Variants in HGF observed in about 807,000 individuals in gnomAD.
HGF encodes the protein hepatocyte growth factor, also known as fibroblast-derived tumor cytotoxic factor.
In HGF, 39 loss-of-function variants were observed where a neutral mutation model predicts 111.6. The ratio of observed to expected loss-of-function variants is 0.35; its 90% CI spans 0.27 to 0.46. HGF has a LOEUF of 0.46. HGF is among the 20% of genes least tolerant of loss of function. The pLI, the probability that HGF is intolerant of heterozygous loss-of-function variation, is 1.00. For synonymous variants in HGF, 285 were observed against 294.8 expected, an observed-to-expected ratio of 0.97 and a Z score of 0.34; for missense variants, 735 against 910.5, an observed-to-expected ratio of 0.81 and a Z score of 2.48.
intron 6 of HGF, among the ~76,000 whole-genome samples, chr7:81,743,805 A>G (rs996254927): frequency 2.0e-5 from 3 of 152,206 alleles, no homozygotes; most frequent in African/African-American, 7.2e-5. Context: ...GCTCATTAAG[A>G]AAACAGGTCC....
chr7:81,717,302 A>C lies in HGF; in HGVS notation c.1335T>G (p.Asp445Glu). 6.2e-7 allele frequency: 1 copy of C among 1,613,608 alleles called. No individual in the cohort carries two copies. The highest frequency in any genetic ancestry group is 8.5e-7 in the Non-Finnish European group (1 of 1,179,504). ...LNENYCRNPDDDAHGPWCYTG... is the reference protein window; with the variant it reads ...LNENYCRNPDEDAHGPWCYTG... ...TGTAGCACCAGGGTCCATGAGCATC[A>C]TCATCTGGATTTCGGCAGTAATTCT... Residue 445 changes from aspartate (D) to glutamate (E), a missense_variant, in exon 11 of 18, where the codon GAT becomes GAG. By Grantham distance (45) the Asp-to-Glu change is conservative. Coordinates refer to ENST00000222390, the MANE Select transcript of HGF (RefSeq NM_000601.6).
Position 81,729,664 on chromosome 7 carries a change from C to T in HGF, c.981G>A (p.Gln327=), listed in dbSNP as rs2115928290. Reference sequence around the variant, plus strand: ...CGTGAGGATACTGAGAATCCCAACGCTGACATGGAATTCCATTCCAAATGG... The same window carrying T: ...CGTGAGGATACTGAGAATCCCAACGTTGACATGGAATTCCATTCCAAATGG... ...VNTIWNGIPC[Q]RWDSQYPHEH... is the part of the protein sequence containing the mutation. The change falls in exon 8 of 18, where the codon CAG becomes CAA. Residue 327 remains glutamine (Q), a synonymous_variant. Coordinates refer to ENST00000222390, the MANE Select transcript of HGF (RefSeq NM_000601.6). 6.2e-7 allele frequency: 1 copy of T among 1,613,964 alleles called. No homozygotes were observed. Among genetic ancestry groups the T allele is most frequent in the Non-Finnish European group, 8.5e-7 (1 of 1,179,872 alleles).
chr7:81,708,721 G>C (rs1424872782), intron 13 of HGF, among the ~76,000 whole-genome samples: 1 of 151,302 alleles, frequency 6.6e-6, no homozygotes, highest in Non-Finnish European at 1.5e-5. Flanking sequence ...GGGATTACAG[G>C]TGTGAGCCAC....
intron 4 of HGF, among the ~76,000 whole-genome samples, chr7:81,754,631 T>A (rs528531159): frequency 6.6e-6 from 1 of 152,056 alleles, no homozygotes; most frequent in Non-Finnish European, 1.5e-5. Flanking sequence ...GCAATTCATA[T>A]CAAAAACCTC....
intron 17 of HGF, among the ~76,000 whole-genome samples, chr7:81,704,175 A>G (rs1449158080): frequency 6.6e-6 from 1 of 151,844 alleles, no homozygotes; most frequent in Non-Finnish European, 1.5e-5. Flanking sequence ...AGTCTTATCA[A>G]TAAAGTTAAA....
chr7:81,747,345 TA>T (rs924249131), intron 5 of HGF, among the ~76,000 whole-genome samples: 4 of 150,688 alleles, frequency 2.7e-5, no homozygotes, highest in Admixed American at 1.3e-4. Flanking sequence ...TCTCAAAAAA[TA>T]AAAAAAAGAA....
At position 81,720,974 on chromosome 7, in the gene HGF, G is replaced by T. The variant is rs1443938122; in HGVS notation, c.1169-127C>A. On this transcript the variant is annotated intron_variant, in intron 9 of 17. Coordinates refer to ENST00000222390, the MANE Select transcript of HGF (RefSeq NM_000601.6). ...TAAAGTACTTGAAAGGGCTGGGTGCGGTGGCTCACGCCTGTAATCCCAGCA... is the reference window on the plus strand; with the variant it reads ...TAAAGTACTTGAAAGGGCTGGGTGCTGTGGCTCACGCCTGTAATCCCAGCA... 1.8e-5 allele frequency: 12 copies of T among 659,114 alleles called. No homozygotes were observed. In the Admixed American group the frequency reaches 2.5e-4, roughly 14 times the overall value. The allele number at this position is 659,114 out of a possible 1,614,324, so 40.8% of individuals were successfully genotyped here.
Position 81,769,766 on chromosome 7 carries a change from A to C in HGF, c.88+118T>G, listed in dbSNP as rs1011500983. The C allele has an allele frequency of 3.9e-6, 3 of 772,340 alleles. No homozygotes were observed. The African/African-American group carries it at 5.2e-5, about 13-fold the overall frequency. The allele number at this position is 772,340 out of a possible 1,614,324, so 47.8% of individuals were successfully genotyped here. A position where few individuals can be genotyped will look rare whatever the true frequency, so the allele number is the denominator to read the frequency against. On this transcript the variant is annotated intron_variant, in intron 1 of 17. Coordinates refer to ENST00000222390, the MANE Select transcript of HGF (RefSeq NM_000601.6). ...GAGCTTTTAGAAACCTATACTACAT[A>C]CTGAGTTCAGAAAGGATGCTGGGAA...
chr7:81,726,121 T>TA lies in HGF; in HGVS notation c.1041-105dup. 3.4e-6 allele frequency: 4 copies of TA among 1,191,730 alleles called. No homozygotes were observed. The South Asian group carries it at 4.9e-5, about 15-fold the overall frequency. 73.8% of individuals were successfully genotyped at this position (1,191,730 alleles called of 1,614,324 possible). A position where few individuals can be genotyped will look rare whatever the true frequency, so the allele number is the denominator to read the frequency against. ...TCTAGAATGTATGCATGTTTATAAA[T>TA]AGAGTTCTAACTTTTTGGACTCAGA... On this transcript the variant is annotated intron_variant, in intron 8 of 17. Transcript: ENST00000222390.
intron 11 of HGF, among the ~76,000 whole-genome samples, chr7:81,716,392 G>A (rs565514206): frequency 9.2e-5 from 14 of 152,112 alleles, no homozygotes; most frequent in Admixed American, 2.6e-4. Context: ...AAGTAGCATA[G>A]AATTGAGACA....
chr7:81,767,504 G>A (rs1391274388), intron 1 of HGF, among the ~76,000 whole-genome samples: 2 of 152,040 alleles, frequency 1.3e-5, no homozygotes, highest in Non-Finnish European at 2.9e-5. Context: ...TTTCTTATTT[G>A]TTCATCTTTA....
At chr7:81,707,640 G>T (rs536453708) in intron 13 of HGF, among the ~76,000 whole-genome samples, 1 of 152,008 alleles carries the variant, frequency 6.6e-6, no homozygotes, top group Non-Finnish European at 1.5e-5. Flanking sequence ...TAGCCATCCC[G>T]AACACACATA....
chr7:81,753,914 A>G (rs1388496167), intron 4 of HGF, among the ~76,000 whole-genome samples: 1 of 151,898 alleles, frequency 6.6e-6, no homozygotes, highest in African/African-American at 2.4e-5. Context: ...CATTTTTCTT[A>G]CTTTTAGCTC....
At chr7:81,718,401 T>C (rs1280866082) in intron 10 of HGF, among the ~76,000 whole-genome samples, 1 of 152,186 alleles carries the variant, frequency 6.6e-6, no homozygotes, top group Non-Finnish European at 1.5e-5. Flanking sequence ...GGAAAACTAA[T>C]TGGTGTAATG....
intron 9 of HGF, among the ~76,000 whole-genome samples, chr7:81,723,742 T>C (rs954558734): frequency 6.6e-6 from 1 of 150,840 alleles, no homozygotes; most frequent in Non-Finnish European, 1.5e-5. Context: ...TAACTATATG[T>C]AGAACTTATA....
chr7:81,717,109 G>T, intron 11 of HGF, 123 bp downstream of exon 11: 1 of 864,878 alleles, frequency 1.2e-6, no homozygotes, highest in South Asian at 1.4e-5. Flanking sequence ...TGTGTGTGTT[G>T]CTCTCTGGAG....
intron 9 of HGF, among the ~76,000 whole-genome samples, chr7:81,721,220 C>G (rs1044299877): frequency 2.6e-5 from 4 of 151,934 alleles, no homozygotes; most frequent in Non-Finnish European, 5.9e-5. Flanking sequence ...GCACTCCAGC[C>G]TGGGCGACAG....
In HGF at chr7:81,716,178, C is replaced by T. The variant is rs550042197; in HGVS notation, c.1405+1054G>A. On this transcript the variant is annotated intron_variant, in intron 11 of 17. Transcript: ENST00000222390. ...TGTCTAGAGATAGTTTTGATTGTCA[C>T]GACTTGGGGCAGGTGTCATGCTACT... Among the ~76,000 whole-genome samples the T allele has an allele frequency of 1.2e-4, 19 of 152,238 alleles. No individual in the cohort carries two copies. In the South Asian group the frequency reaches 3.9e-3, roughly 32 times the overall value.
At chr7:81,758,846 T>G in intron 2 of HGF, 42 bp from the exon 3 acceptor site, 4 of 1,256,742 alleles carry the variant, frequency 3.2e-6, no homozygotes, top group Non-Finnish European at 4.7e-6. Context: ...TACTACTATT[T>G]ATACAGTATT....
Sources: gnomAD v4.1 joint callset for allele counts (sites outside exome capture counted in the v4.1 genomes callset) on GRCh38, gnomAD v4.1.1 for gene constraint, MANE v1.5 for transcripts, NCBI Gene and HGNC (gene_info 2026-07-23, HGNC 2026-07-21) for gene names.